POTEI: variants seen among roughly 807,000 people sequenced by gnomAD.
POTEI encodes POTE ankyrin domain family member I.
Under a neutral mutation model 43.4 loss-of-function variants are expected in POTEI, and 14 were observed. The observed-to-expected ratio is 0.32, with a 90% CI of 0.21 to 0.50. POTEI has a LOEUF of 0.50. Among genes scored for constraint, POTEI ranks in the 20% least tolerant of loss-of-function variants. The pLI, the probability that POTEI is intolerant of heterozygous loss-of-function variation, is 0.98. For missense variants in POTEI, 235 were observed against 795.4 expected (o/e 0.30, Z 8.47); for synonymous variants, 95 against 297.9 (o/e 0.32, Z 7.01).
chr2:130,507,414 ATG>A (rs1684219292), intron 1 of POTEI, among the ~76,000 whole-genome samples: 1 of 1,456 alleles, frequency 6.9e-4, no homozygotes, highest in African/African-American at 7.9e-4. Context: ...GTGTATATAT[ATG>A]TATATATATA....
chr2:130,492,877 A>C (rs1243921045), intron 6 of POTEI, among the ~76,000 whole-genome samples: 1 of 151,300 alleles, frequency 6.6e-6, no homozygotes, highest in East Asian at 2.0e-4. Context: ...ATTGCGTTTG[A>C]GTCAGCAATC....
intron 14 of POTEI, among the ~76,000 whole-genome samples, chr2:130,464,657 T>C (rs1250051573): frequency 6.6e-6 from 1 of 151,578 alleles, no homozygotes; most frequent in Non-Finnish European, 1.5e-5. Context: ...ATTTTACCGA[T>C]ATTCTACATT....
intron 5 of POTEI, 56 bp from the exon 6 acceptor site, chr2:130,496,678 C>G: frequency 1.3e-6 from 2 of 1,531,908 alleles, no homozygotes; most frequent in Admixed American, 3.9e-5. Context: ...TATAAAAAAA[C>G]TTACCAAATG....
At chr2:130,486,978 C>T (rs1193065172) in intron 9 of POTEI, among the ~76,000 whole-genome samples, 1 of 85,126 alleles carries the variant, frequency 1.2e-5, no homozygotes, top group Non-Finnish European at 2.5e-5. Context: ...TATTTCAGCA[C>T]TCAGGCACTG....
At chr2:130,483,885 G>A (rs139219884) in intron 9 of POTEI, among the ~76,000 whole-genome samples, 1 of 147,916 alleles carries the variant, frequency 6.8e-6, no homozygotes, top group African/African-American at 2.6e-5. Flanking sequence ...CCGACCTACG[G>A]CAAACATTTT....
intron 10 of POTEI, among the ~76,000 whole-genome samples, chr2:130,479,192 C>CATT: frequency 6.8e-6 from 1 of 147,826 alleles, no homozygotes; most frequent in Non-Finnish European, 1.5e-5. Context: ...TATATTCCCA[C>CATT]TGCCACTGGG....
At chr2:130,468,701 AT>A (rs1553467547) in intron 13 of POTEI, among the ~76,000 whole-genome samples, 16 of 94,316 alleles carry the variant, frequency 1.7e-4, no homozygotes, top group African/African-American at 6.3e-4. Flanking sequence ...AAGCCAAACT[AT>A]TGGGGGGGGG....
Position 130,485,036 on chromosome 2 carries a change from G to A in POTEI, c.1410-2963C>T, listed in dbSNP as rs571620319. Among the ~76,000 whole-genome samples the A allele has an allele frequency of 2.6e-5, 4 of 152,422 alleles. No homozygotes were observed. In the East Asian group the frequency reaches 5.8e-4, roughly 22 times the overall value. ...CAAAGTAGGAAAGACTACATGAGGT[G>A]TAGATTTCAGGAAGGACATCAGTAG... On this transcript the variant is annotated intron_variant, in intron 9 of 14. Transcript: ENST00000451531.
At chr2:130,480,344 T>C (rs925738602) in intron 10 of POTEI, among the ~76,000 whole-genome samples, 1 of 144,660 alleles carries the variant, frequency 6.9e-6, no homozygotes, top group Non-Finnish European at 1.5e-5. Flanking sequence ...TAAACTTGCC[T>C]TAGCTAAGTA....
At chr2:130,468,712 G>GGC (rs1682942971) in intron 13 of POTEI, among the ~76,000 whole-genome samples, 3 of 149,348 alleles carry the variant, frequency 2.0e-5, no homozygotes, top group Admixed American at 6.6e-5. Context: ...TTGGGGGGGG[G>GGC]GGTATCCTTA....
At chr2:130,507,296 A>ATATATATATATG (rs1450257549) in intron 1 of POTEI, among the ~76,000 whole-genome samples, 1 of 10,670 alleles carries the variant, frequency 9.4e-5, no homozygotes, top group African/African-American at 1.1e-4. Context: ...ATATATATAT[A>ATATATATATATG]TATATATATA....
upstream of POTEI, chr2:130,509,452 C>T: frequency 3.8e-6 from 1 of 266,050 alleles, no homozygotes; most frequent in Admixed American, 7.5e-5. Flanking sequence ...CGAGGAAGGG[C>T]CAACCCCCCC....
intron 10 of POTEI, among the ~76,000 whole-genome samples, chr2:130,477,423 G>A (rs979615990): frequency 4.0e-5 from 6 of 149,728 alleles, no homozygotes; most frequent in African/African-American, 1.5e-4. Context: ...ACAGGTGTGA[G>A]CCACCACACC....
chr2:130,479,134 C>T (rs1197216585), intron 10 of POTEI, among the ~76,000 whole-genome samples: 2 of 134,038 alleles, frequency 1.5e-5, no homozygotes, highest in Non-Finnish European at 3.1e-5. Context: ...CTTTCTCATT[C>T]AATTATCACT....
rs1396987584 is a variant in POTEI, at chr2:130,461,947, A to C, written c.*869T>G. 6.6e-6 allele frequency: 1 copy of C among 152,086 alleles called. No individual in the cohort carries two copies. Among genetic ancestry groups the C allele is most frequent in the Non-Finnish European group, 1.5e-5 (1 of 68,032 alleles). 9.4% of individuals were successfully genotyped at this position (152,086 alleles called of 1,614,324 possible). A position where few individuals can be genotyped will look rare whatever the true frequency, so the allele number is the denominator to read the frequency against. On this transcript the variant is annotated 3_prime_UTR_variant, in exon 15 of 15. Coordinates refer to ENST00000451531, the MANE Select transcript of POTEI (RefSeq NM_001277406.2). ...GTCTACGTTAGACTTGTTGAGAAAG[A>C]ATCTGTTCTCTTTTAGGTGAGATAA...
intron 6 of POTEI, among the ~76,000 whole-genome samples, chr2:130,491,014 AAC>A (rs1401801606): frequency 3.5e-5 from 1 of 28,812 alleles, no homozygotes; most frequent in Non-Finnish European, 6.7e-5. Context: ...CATATAAGGT[AAC>A]ACAGTATGTT....
chr2:130,484,197 G>C (rs1394207914), intron 9 of POTEI, among the ~76,000 whole-genome samples: 1 of 150,586 alleles, frequency 6.6e-6, no homozygotes, highest in Admixed American at 6.6e-5. Flanking sequence ...TGCTGAGAAA[G>C]GGTTTTTTTT....
At chr2:130,506,536 T>G in intron 1 of POTEI, among the ~76,000 whole-genome samples, 2 of 118,510 alleles carry the variant, frequency 1.7e-5, no homozygotes, top group African/African-American at 3.1e-5. Context: ...TGAGATGGAG[T>G]CTCACTCTAT....
intron 13 of POTEI, among the ~76,000 whole-genome samples, chr2:130,467,930 C>T (rs868048275): frequency 2.0e-3 from 274 of 138,504 alleles, no homozygotes; most frequent in African/African-American, 6.5e-3. Context: ...CTCACTGCAG[C>T]CAGAATGGCC....
Sources: gnomAD v4.1 joint callset for allele counts (sites outside exome capture counted in the v4.1 genomes callset) on GRCh38, gnomAD v4.1.1 for gene constraint, MANE v1.5 for transcripts, NCBI Gene and HGNC (gene_info 2026-07-23, HGNC 2026-07-21) for gene names.